C9: variants seen among roughly 807,000 people sequenced by gnomAD.
C9 encodes the protein complement component C9.
A neutral mutation model predicts 65.4 loss-of-function variants in C9; 63 were observed. The observed-to-expected ratio is 0.96, with a 90% CI of 0.79 to 1.19. The LOEUF is 1.19. C9 is among the 50% of genes most tolerant of loss of function. The pLI is 0.00. For synonymous variants in C9, 229 were observed against 227.9 expected, an observed-to-expected ratio of 1.00 and a Z score of -0.04; for missense variants, 744 against 670.1, an observed-to-expected ratio of 1.11 and a Z score of -1.22.
intron 1 of C9, among the ~76,000 whole-genome samples, chr5:39,350,889 C>T (rs560333724): frequency 9.9e-5 from 15 of 152,250 alleles, no homozygotes; most frequent in South Asian, 2.1e-4. Context: ...TAGGCAGTGC[C>T]CCAGTAGGGA....
At chr5:39,341,085 G>C in intron 4 of C9, 61 bp downstream of exon 4, 6 of 1,555,350 alleles carry the variant, frequency 3.9e-6, no homozygotes, top group Non-Finnish European at 5.3e-6. Flanking sequence ...CTATCACAAT[G>C]AGAGAGATGG....
Position 39,284,917 on chromosome 5 carries a change from T to C in C9, c.*282A>G. 2.4e-6 allele frequency: 1 copy of C among 415,406 alleles called. No homozygotes were observed. Among genetic ancestry groups the C allele is most frequent in the East Asian group, 4.1e-5 (1 of 24,580 alleles). 25.7% of individuals were successfully genotyped at this position (415,406 alleles called of 1,614,324 possible). A position where few individuals can be genotyped will look rare whatever the true frequency, so the allele number is the denominator to read the frequency against. On this transcript the variant is annotated 3_prime_UTR_variant, in exon 11 of 11. Coordinates refer to ENST00000263408, the MANE Select transcript of C9 (RefSeq NM_001737.5). The stretch of plus-strand genomic sequence containing the variant: ...CATTCTGTTTTTAATTTAATTTTGT[T>C]TTTTTTTAGAAGAGATTGGCATTTT...
chr5:39,293,656 A>C (rs1285244073), intron 9 of C9, among the ~76,000 whole-genome samples: 2 of 151,946 alleles, frequency 1.3e-5, no homozygotes, highest in Non-Finnish European at 2.9e-5. Flanking sequence ...TAAACAGAAA[A>C]ATCAAAAATC....
Position 39,331,653 on chromosome 5 carries a change from T to C in C9, c.615+23A>G, listed in dbSNP as rs201444403. The C allele has an allele frequency of 5.1e-5, 82 of 1,611,320 alleles. 2 individuals are homozygous for C. In the South Asian group the frequency reaches 8.7e-4, roughly 17 times the overall value. On this transcript the variant is annotated intron_variant, in intron 5 of 10. Coordinates refer to ENST00000263408, the MANE Select transcript of C9 (RefSeq NM_001737.5). ...TTTTTCAGCCAAAAGTTGAACAATG[T>C]GTTTTCCTCCGAGGAGACTTACTTC...
chr5:39,304,809 TG>T (rs1753344473), intron 9 of C9, among the ~76,000 whole-genome samples: 1 of 152,166 alleles, frequency 6.6e-6, no homozygotes, highest in African/African-American at 2.4e-5. Flanking sequence ...TCCCTAAAAA[TG>T]GGATAAACTA....
At chr5:39,302,904 G>T (rs149091388) in intron 9 of C9, among the ~76,000 whole-genome samples, 1 of 152,068 alleles carries the variant, frequency 6.6e-6, no homozygotes, top group African/African-American at 2.4e-5. Context: ...AACAAAATGA[G>T]ATTAAAGAGT....
intron 10 of C9, among the ~76,000 whole-genome samples, chr5:39,285,884 G>A (rs996893958): frequency 3.3e-5 from 5 of 151,912 alleles, no homozygotes; most frequent in African/African-American, 9.7e-5. Context: ...GAAAGATGAT[G>A]TGTTACGGTT....
rs747393089 is a variant in C9 at position 39,334,535 on chromosome 5, G to A, written c.477-2721C>T. On this transcript the variant is annotated intron_variant, in intron 4 of 10. Coordinates refer to ENST00000263408, the MANE Select transcript of C9 (RefSeq NM_001737.5). ...GGGAGGGAGGTGGGGGTCAGCCCCC[G>A]CCAGGCCAGCCGCCCCGTCCGGGAG... is the stretch of plus-strand genomic sequence containing the variant. Among the ~76,000 whole-genome samples the A allele has an allele frequency of 1.6e-4, 21 of 130,110 alleles. 1 individual carries two copies. The highest frequency in any genetic ancestry group is 4.8e-4 in the African/African-American group (11 of 23,062). 85.4% of individuals were successfully genotyped at this position (130,110 alleles called of 152,430 possible). A position where few individuals can be genotyped will look rare whatever the true frequency, so the allele number is the denominator to read the frequency against.
In C9 at chr5:39,284,395, C is replaced by T. The variant is rs1752951051; in HGVS notation, c.*804G>A. ...CAGCTTCTCAGGTAGGTAACCTTAC[C>T]TTATACAACTCATAAGGCTAGGTAT... On this transcript the variant is annotated 3_prime_UTR_variant, in exon 11 of 11. Transcript: ENST00000263408. The T allele has an allele frequency of 6.6e-6, 1 of 152,066 alleles. No homozygotes were observed. The highest frequency in any genetic ancestry group is 6.6e-5 in the Admixed American group (1 of 15,264). The allele number at this position is 152,066 out of a possible 1,614,324, so 9.4% of individuals were successfully genotyped here.
At chr5:39,351,638 C>T (rs778799768) in intron 1 of C9, among the ~76,000 whole-genome samples, 1 of 152,174 alleles carries the variant, frequency 6.6e-6, no homozygotes, top group Non-Finnish European at 1.5e-5. Context: ...GGGCACAATA[C>T]CACCAGTCTC....
Position 39,284,508 on chromosome 5 carries a change from G to T in C9, c.*691C>A, listed in dbSNP as rs1752953077. Reference sequence around the variant, plus strand: ...CACATAATTTAAACTAATAGTTTATGTTCATTCTATTCTGCTACTGAACAC... The same window carrying T: ...CACATAATTTAAACTAATAGTTTATTTTCATTCTATTCTGCTACTGAACAC... On this transcript the variant is annotated 3_prime_UTR_variant, in exon 11 of 11. Transcript: ENST00000263408. 1 of 152,126 alleles carries T rather than the reference G, an allele frequency of 6.6e-6. No individual in the cohort carries two copies. The highest frequency in any genetic ancestry group is 2.4e-5 in the African/African-American group (1 of 41,428). The allele number at this position is 152,126 out of a possible 1,614,324, so 9.4% of individuals were successfully genotyped here. A position where few individuals can be genotyped will look rare whatever the true frequency, so the allele number is the denominator to read the frequency against.
intron 10 of C9, among the ~76,000 whole-genome samples, chr5:39,288,316 C>G (rs34637147): frequency 0.043 from 6,500 of 151,534 alleles, 162 homozygotes; most frequent in Non-Finnish European, 0.058. Flanking sequence ...ATTGTTGCTT[C>G]TTAAAAAAGG....
intron 9 of C9, among the ~76,000 whole-genome samples, chr5:39,292,683 A>G (rs867420656): frequency 4.6e-5 from 7 of 151,728 alleles, no homozygotes; most frequent in Non-Finnish European, 2.9e-5. Flanking sequence ...ATTTAAAAAT[A>G]TGTATGTAAA....
intron 4 of C9, among the ~76,000 whole-genome samples, chr5:39,335,109 A>G (rs1020758481): frequency 6.6e-6 from 1 of 152,336 alleles, no homozygotes; most frequent in Middle Eastern, 3.4e-3. Flanking sequence ...TTTCTTAAAC[A>G]AGATCTCAGC....
In C9 at chr5:39,320,359, A is replaced by G. The variant is rs1263703080; in HGVS notation, c.616-4330T>C. 2.0e-5 allele frequency among the ~76,000 whole-genome samples: 3 copies of G among 152,332 alleles called. No homozygotes were observed. In the East Asian group the frequency reaches 5.8e-4, roughly 29 times the overall value. Reference sequence around the variant, plus strand: ...AACAACCAAATTTAGGGAGTTAAAGAACATAATTAGGGAGTTAAAGAACAG... The same window carrying G: ...AACAACCAAATTTAGGGAGTTAAAGGACATAATTAGGGAGTTAAAGAACAG... On this transcript the variant is annotated intron_variant, in intron 5 of 10. Coordinates refer to ENST00000263408, the MANE Select transcript of C9 (RefSeq NM_001737.5).
chr5:39,311,637 G>A (rs1053127168), intron 6 of C9, among the ~76,000 whole-genome samples: 1 of 152,112 alleles, frequency 6.6e-6, no homozygotes, highest in Non-Finnish European at 1.5e-5. Flanking sequence ...CTTTCCCATA[G>A]TGTTAAGCAC....
intron 4 of C9, among the ~76,000 whole-genome samples, chr5:39,334,461 AC>A (rs2111937566): frequency 6.7e-6 from 1 of 148,332 alleles, no homozygotes; most frequent in African/African-American, 2.6e-5. Flanking sequence ...CCTGGCTGAC[AC>A]CCCATCTGGG....
intron 1 of C9, among the ~76,000 whole-genome samples, chr5:39,362,722 TAA>T (rs577360635): frequency 1.3e-3 from 203 of 152,338 alleles, no homozygotes; most frequent in African/African-American, 4.6e-3. Context: ...CAGAGGATTT[TAA>T]AAGTTATTTT....
chr5:39,304,090 C>T (rs536601675), intron 9 of C9, among the ~76,000 whole-genome samples: 3 of 151,964 alleles, frequency 2.0e-5, no homozygotes, highest in African/African-American at 7.2e-5. Flanking sequence ...GTTTTTGTGA[C>T]CAGAAATACA....
Sources: allele counts gnomAD v4.1 joint callset (sites outside exome capture counted in the v4.1 genomes callset), GRCh38; gene constraint gnomAD v4.1.1; transcripts MANE v1.5; gene names NCBI Gene and HGNC (gene_info 2026-07-23, HGNC 2026-07-21).